The following RABGAP1L variants were observed in gnomAD, a reference collection of about 807,000 sequenced individuals.
RABGAP1L encodes the protein RAB GTPase activating protein 1 like.
A neutral mutation model predicts 137.7 loss-of-function variants in RABGAP1L; 63 were observed. The observed-to-expected ratio is 0.46, with a 90% CI of 0.37 to 0.56. RABGAP1L has a LOEUF of 0.56. Among genes scored for constraint, RABGAP1L ranks in the 20% least tolerant of loss-of-function variants. The pLI is 0.00. For synonymous variants in RABGAP1L, 431 were observed against 433.7 expected, an observed-to-expected ratio of 0.99 and a Z score of 0.08; for missense variants, 1,095 against 1,244.0, an observed-to-expected ratio of 0.88 and a Z score of 1.80.
intron 13 of RABGAP1L, among the ~76,000 whole-genome samples, chr1:174,631,571 G>T (rs1226087372): frequency 2.2e-5 from 2 of 89,212 alleles, no homozygotes; most frequent in Non-Finnish European, 4.2e-5. Context: ...ATGAATCTGG[G>T]TGCTCCTGTA....
At chr1:174,881,203 A>G (rs1027342274) in intron 19 of RABGAP1L, among the ~76,000 whole-genome samples, 1 of 152,150 alleles carries the variant, frequency 6.6e-6, no homozygotes, top group East Asian at 1.9e-4. Context: ...GCTCAATGCA[A>G]CCCTAGCTGC....
At chr1:174,921,625 C>A (rs1166718724) in intron 19 of RABGAP1L, among the ~76,000 whole-genome samples, 2 of 152,144 alleles carry the variant, frequency 1.3e-5, no homozygotes, top group East Asian at 3.9e-4. Context: ...TCAAAGTAAT[C>A]CGGAAATCAA....
At chr1:174,733,413 C>T (rs1682674828) in intron 17 of RABGAP1L, among the ~76,000 whole-genome samples, 1 of 152,186 alleles carries the variant, frequency 6.6e-6, no homozygotes, top group South Asian at 2.1e-4. Flanking sequence ...AGATGCTATG[C>T]TTTTGGTTTG....
chr1:174,911,298 T>A (rs1397658385), intron 19 of RABGAP1L, among the ~76,000 whole-genome samples: 2 of 152,346 alleles, frequency 1.3e-5, no homozygotes, highest in South Asian at 2.1e-4. Flanking sequence ...GAAGTCTCAC[T>A]ATTTTTGCTT....
intron 13 of RABGAP1L, among the ~76,000 whole-genome samples, chr1:174,543,480 A>G (rs886771565): frequency 6.6e-6 from 1 of 151,928 alleles, no homozygotes; most frequent in Non-Finnish European, 1.5e-5. Flanking sequence ...TTTTGAGCCT[A>G]TGTGTTTCCC....
chr1:174,394,239 C>A, intron 13 of RABGAP1L, 94 bp downstream of exon 13: 1 of 1,427,614 alleles, frequency 7.0e-7, no homozygotes. Context: ...ATGCTTTGAA[C>A]TTCTTCATGA....
chr1:174,369,998 T>C (rs768783289), intron 11 of RABGAP1L, among the ~76,000 whole-genome samples: 1 of 152,226 alleles, frequency 6.6e-6, no homozygotes, highest in Non-Finnish European at 1.5e-5. Context: ...CCATTACTTA[T>C]TACATTAATG....
At position 174,761,025 on chromosome 1, in the gene RABGAP1L, A is replaced by G. The variant is rs921851109; in HGVS notation, c.2211+8671A>G. Among the ~76,000 whole-genome samples, 12 of 152,176 alleles carry G rather than the reference A, an allele frequency of 7.9e-5. No individual in the cohort carries two copies. The highest frequency in any genetic ancestry group is 8.8e-5 in the Non-Finnish European group (6 of 68,034). On this transcript the variant is annotated intron_variant, in intron 18 of 25. Coordinates refer to ENST00000681986, the MANE Select transcript of RABGAP1L (RefSeq NM_001366446.1). This position sits in a 1 kb window ranked among gnomAD's most constrained non-coding sequence, Gnocchi z 4.0. ...AGACAGTTGATAATTGTATTAGTTC[A>G]TTTTCACACTGCTGATAAAGACATA...
At chr1:174,529,189 A>G (rs1664181170) in intron 13 of RABGAP1L, among the ~76,000 whole-genome samples, 1 of 151,754 alleles carries the variant, frequency 6.6e-6, no homozygotes, top group Admixed American at 6.6e-5. Context: ...CTTTGGAGGT[A>G]TTAATATTTC....
chr1:174,241,775 A>G, intron 5 of RABGAP1L, 118 bp downstream of exon 5: 2 of 906,942 alleles, frequency 2.2e-6, no homozygotes, highest in Non-Finnish European at 3.2e-6. Flanking sequence ...TTCTAAAGAC[A>G]AAATTAATAT....
chr1:174,966,541 T>G (rs1384948045), intron 20 of RABGAP1L, among the ~76,000 whole-genome samples: 1 of 152,226 alleles, frequency 6.6e-6, no homozygotes, highest in African/African-American at 2.4e-5. Context: ...AAATAAAGGC[T>G]AACTCTCCAG....
At chr1:174,533,226 T>TC (rs1235675886) in intron 13 of RABGAP1L, among the ~76,000 whole-genome samples, 1 of 152,186 alleles carries the variant, frequency 6.6e-6, no homozygotes, top group African/African-American at 2.4e-5. Flanking sequence ...AGAGTGAGAC[T>TC]CCGTCTCAAA....
chr1:174,958,488 G>A (rs1390976879), intron 20 of RABGAP1L, among the ~76,000 whole-genome samples: 10 of 152,116 alleles, frequency 6.6e-5, no homozygotes, highest in Non-Finnish European at 1.3e-4. Flanking sequence ...TAAGATAAAA[G>A]AATACTGTAT....
rs1671948637 is a variant in RABGAP1L, at chr1:174,989,947, C to T, written c.3102C>T (p.Gly1034=). Reference sequence around the variant, plus strand: ...TGAACTCTATCAAAACGGCCACGGGCACCCAGCCATTGCAGCCAGCACCGG... The same window carrying T: ...TGAACTCTATCAAAACGGCCACGGGTACCCAGCCATTGCAGCCAGCACCGG... The part of the protein sequence containing the change: ...KTLNSIKTAT[G]TQPLQPAPVT... The change falls in exon 26 of 26, where the codon GGC becomes GGT. Residue 1034 remains glycine, a synonymous_variant. Transcript: ENST00000681986. 7 of 1,549,532 alleles carry T rather than the reference C, an allele frequency of 4.5e-6. No homozygotes were observed. The highest frequency in any genetic ancestry group is 6.1e-6 in the Non-Finnish European group (7 of 1,146,040).
intron 19 of RABGAP1L, among the ~76,000 whole-genome samples, chr1:174,896,690 A>G (rs1033146846): frequency 6.6e-6 from 1 of 152,222 alleles, no homozygotes; most frequent in African/African-American, 2.4e-5. Context: ...CACTTATTAA[A>G]TAGGGAATCC....
At chr1:174,528,846 T>G (rs761013994) in intron 13 of RABGAP1L, among the ~76,000 whole-genome samples, 3 of 152,004 alleles carry the variant, frequency 2.0e-5, no homozygotes, top group Non-Finnish European at 4.4e-5. Context: ...CAGATTTTGG[T>G]CATTTTATGA....
intron 11 of RABGAP1L, among the ~76,000 whole-genome samples, chr1:174,339,780 T>G (rs541662975): frequency 2.6e-5 from 4 of 152,070 alleles, no homozygotes; most frequent in Non-Finnish European, 5.9e-5. Flanking sequence ...CTAATTTTTG[T>G]ATTTTTAGTA....
At chr1:174,868,860 A>G (rs1651726311) in intron 19 of RABGAP1L, among the ~76,000 whole-genome samples, 1 of 152,284 alleles carries the variant, frequency 6.6e-6, no homozygotes, top group Middle Eastern at 3.4e-3. Flanking sequence ...TTTCTAACAG[A>G]AGGACTCATG....
At chr1:174,586,460 G>A (rs996101571) in intron 13 of RABGAP1L, among the ~76,000 whole-genome samples, 2 of 151,872 alleles carry the variant, frequency 1.3e-5, no homozygotes, top group African/African-American at 4.8e-5. Context: ...CTAGGTGATG[G>A]GTTGTTAAGT....
Sources: allele counts gnomAD v4.1 joint callset (sites outside exome capture counted in the v4.1 genomes callset), GRCh38; gene constraint gnomAD v4.1.1; non-coding constraint Gnocchi (gnomAD v3.1); transcripts MANE v1.5; gene names NCBI Gene and HGNC (gene_info 2026-07-23, HGNC 2026-07-21).